ITPR2: variants seen among roughly 807,000 people sequenced by gnomAD.
The protein encoded by ITPR2 is inositol 1,4,5-trisphosphate receptor type 2, also known as inositol 1,4,5-trisphosphate-gated calcium channel ITPR2.
A neutral mutation model predicts 317.1 loss-of-function variants in ITPR2; 207 were observed. The observed-to-expected ratio is 0.65, with a 90% CI of 0.58 to 0.73. ITPR2 has a LOEUF of 0.73. Ranked by LOEUF, ITPR2 falls within the 30% of genes least tolerant of loss-of-function variation. ITPR2 has a pLI of 0.00. For synonymous variants in ITPR2, 1,156 were observed against 1,149.1 expected, an observed-to-expected ratio of 1.01 and a Z score of -0.12; for missense variants, 2,613 against 3,284.0, an observed-to-expected ratio of 0.80 and a Z score of 4.99.
chr12:26,686,029 A>G (rs1169428014), intron 11 of ITPR2, among the ~76,000 whole-genome samples: 1 of 152,164 alleles, frequency 6.6e-6, no homozygotes, highest in Admixed American at 6.5e-5. Context: ...GAATATAACC[A>G]GTTTGTTCAC....
intron 2 of ITPR2, among the ~76,000 whole-genome samples, chr12:26,772,415 T>TATATATAATATATATATAATATATATATA (rs1420069717): frequency 8.3e-6 from 1 of 120,974 alleles, no homozygotes; most frequent in Non-Finnish European, 1.8e-5. Context: ...TATACACATT[T>TATATATAATATATATATAATATATATATA]ATATATATTA....
intron 32 of ITPR2, among the ~76,000 whole-genome samples, chr12:26,582,261 C>T (rs1945421874): frequency 6.6e-6 from 1 of 152,048 alleles, no homozygotes; most frequent in African/African-American, 2.4e-5. Context: ...AAATGATCCT[C>T]ATACATATGA....
In ITPR2 at chr12:26,602,671, T is replaced by G; in HGVS notation, c.3498A>C (p.Thr1166=). The change falls in exon 27 of 57, where the codon ACA becomes ACC. Residue 1166 remains threonine (T), a synonymous_variant. Coordinates refer to ENST00000381340, the MANE Select transcript of ITPR2 (RefSeq NM_002223.4). The stretch of plus-strand genomic sequence containing the variant: ...TGTTGCTGTCAATCTGAGGTTTCTT[T>G]GTTCCATCCTGCACTGGACTTAAAA... The part of the protein sequence containing the change: ...SNILSPVQDG[T]KKPQIDSNKS... 1 of 1,611,608 alleles carries G rather than the reference T, an allele frequency of 6.2e-7. No individual in the cohort carries two copies.
intron 2 of ITPR2, among the ~76,000 whole-genome samples, chr12:26,758,657 C>T (rs1206797468): frequency 2.0e-5 from 3 of 152,170 alleles, no homozygotes; most frequent in African/African-American, 7.2e-5. Context: ...GGGCATCTGA[C>T]CCAGCAGCCA....
intron 52 of ITPR2, among the ~76,000 whole-genome samples, chr12:26,402,373 A>G (rs897044154): frequency 5.9e-5 from 9 of 152,300 alleles, no homozygotes; most frequent in Non-Finnish European, 8.8e-5. Flanking sequence ...TTCAGGAACT[A>G]CCTGGTCATG....
At chr12:26,389,950 C>T (rs1939782026) in intron 54 of ITPR2, among the ~76,000 whole-genome samples, 1 of 152,120 alleles carries the variant, frequency 6.6e-6, no homozygotes, top group African/African-American at 2.4e-5. Context: ...GCCACCTGGG[C>T]AGATATATTT....
intron 37 of ITPR2, among the ~76,000 whole-genome samples, chr12:26,509,958 T>TGTGTGTGTG (rs1943288151): frequency 1.9e-5 from 1 of 53,196 alleles, no homozygotes; most frequent in Non-Finnish European, 4.0e-5. Flanking sequence ...GATAAGGGTT[T>TGTGTGTGTG]TGTGTGTGTG....
At chr12:26,689,204 C>T (rs543153023) in intron 10 of ITPR2, among the ~76,000 whole-genome samples, 1 of 152,116 alleles carries the variant, frequency 6.6e-6, no homozygotes, top group East Asian at 1.9e-4. Flanking sequence ...ATCACCTGAG[C>T]TCAGGAGTTC....
intron 26 of ITPR2, among the ~76,000 whole-genome samples, chr12:26,607,032 C>T (rs1297233714): frequency 6.6e-6 from 1 of 152,236 alleles, no homozygotes; most frequent in Non-Finnish European, 1.5e-5. Flanking sequence ...CCAAATCCTA[C>T]AATGTAGAGC....
chr12:26,406,974 C>T (rs1436590401), intron 52 of ITPR2, among the ~76,000 whole-genome samples: 1 of 152,122 alleles, frequency 6.6e-6, no homozygotes, highest in Admixed American at 6.5e-5. Flanking sequence ...AAAGCTATTG[C>T]CACCATCTCT....
intron 55 of ITPR2, among the ~76,000 whole-genome samples, chr12:26,372,261 G>A (rs182077886): frequency 1.2e-4 from 18 of 152,202 alleles, no homozygotes; most frequent in Admixed American, 3.3e-4. Context: ...GTGCTCTCCT[G>A]CAGGATCTTA....
intron 46 of ITPR2, among the ~76,000 whole-genome samples, chr12:26,441,733 ATCT>A (rs1270427299): frequency 1.3e-5 from 2 of 152,130 alleles, no homozygotes; most frequent in East Asian, 1.9e-4. Context: ...TGAACAAATA[ATCT>A]TCTTCTACCT....
At chr12:26,367,740 A>G (rs1470420026) in intron 55 of ITPR2, among the ~76,000 whole-genome samples, 3 of 152,236 alleles carry the variant, frequency 2.0e-5, no homozygotes, top group African/African-American at 4.8e-5. Context: ...AAAAGATCAA[A>G]TAATTTGCAT....
intron 2 of ITPR2, among the ~76,000 whole-genome samples, chr12:26,732,487 G>C (rs1949043342): frequency 6.6e-6 from 1 of 152,168 alleles, no homozygotes. Context: ...GCCACACTTG[G>C]TTTGTTCAAT....
intron 2 of ITPR2, among the ~76,000 whole-genome samples, chr12:26,733,494 C>T (rs1949061169): frequency 6.6e-6 from 1 of 151,868 alleles, no homozygotes; most frequent in East Asian, 1.9e-4. Context: ...TAAAAAGAAA[C>T]TAATGAGTGG....
chr12:26,553,678 G>C (rs1015054598), intron 36 of ITPR2, among the ~76,000 whole-genome samples: 1 of 151,964 alleles, frequency 6.6e-6, no homozygotes, highest in Non-Finnish European at 1.5e-5. Context: ...CCAGCTACTC[G>C]GGAGGCTGAG....
intron 42 of ITPR2, among the ~76,000 whole-genome samples, chr12:26,481,502 A>G (rs1942544616): frequency 6.6e-6 from 1 of 152,250 alleles, no homozygotes; most frequent in South Asian, 2.1e-4. Context: ...TGTTTATAGA[A>G]TTTCAGAGAA....
chr12:26,364,973 C>A (rs1295004634), intron 55 of ITPR2, among the ~76,000 whole-genome samples: 1 of 152,154 alleles, frequency 6.6e-6, no homozygotes, highest in Non-Finnish European at 1.5e-5. Flanking sequence ...CATGTGGTAA[C>A]CCAATATCAC....
chr12:26,421,492 T>A (rs1940887922), intron 49 of ITPR2: 1 of 136,866 alleles, frequency 7.3e-6, no homozygotes, highest in Non-Finnish European at 1.5e-5. Flanking sequence ...GAAGTTGAGC[T>A]GTGAATTCTC....
Sources: allele counts gnomAD v4.1 joint callset (sites outside exome capture counted in the v4.1 genomes callset), GRCh38; gene constraint gnomAD v4.1.1; transcripts MANE v1.5; gene names NCBI Gene and HGNC (gene_info 2026-07-23, HGNC 2026-07-21).